The following ANOS1 variants were observed in gnomAD, a reference collection of about 807,000 sequenced individuals.
The protein encoded by ANOS1 is anosmin 1.
ANOS1 carries 6 observed loss-of-function variants against 59.0 expected under a neutral mutation model. The ratio of observed to expected loss-of-function variants is 0.10; its 90% CI spans 0.06 to 0.20. The LOEUF (loss-of-function observed/expected upper bound fraction) is 0.20, where lower values mean the gene tolerates loss of function less well. Ranked by LOEUF, ANOS1 falls within the 10% of genes least tolerant of loss-of-function variation. The pLI is 1.00. For synonymous variants in ANOS1, 217 were observed against 223.4 expected, an observed-to-expected ratio of 0.97 and a Z score of 0.25; for missense variants, 433 against 542.3, an observed-to-expected ratio of 0.80 and a Z score of 2.00.
At chrX:8,639,070 A>G (rs1023751858) in intron 2 of ANOS1, among the ~76,000 whole-genome samples, 2 of 111,918 alleles carry the variant, frequency 1.8e-5, no homozygotes, top group East Asian at 2.8e-4. Context: ...ACAGCACTCG[A>G]AGGTCTGCTT....
At chrX:8,675,872 C>T (rs1423180963) in intron 2 of ANOS1, among the ~76,000 whole-genome samples, 18 of 90,884 alleles carry the variant, frequency 2.0e-4, no homozygotes, top group African/African-American at 6.5e-4. Flanking sequence ...CCCCACCCCC[C>T]GACAGGCCCC....
chrX:8,576,344 A>G (rs59332622), intron 6 of ANOS1, among the ~76,000 whole-genome samples: 2,233 of 110,860 alleles, frequency 0.02, 55 homozygotes, highest in African/African-American at 0.071. Flanking sequence ...TACGTTATGA[A>G]GCAAGGTGTA....
chrX:8,591,320 T>C (rs1238658776), intron 4 of ANOS1, among the ~76,000 whole-genome samples: 1 of 111,364 alleles, frequency 9.0e-6, no homozygotes, highest in Non-Finnish European at 1.9e-5. Context: ...CCTTGGTGCA[T>C]AGTAAAAAAA....
intron 9 of ANOS1, among the ~76,000 whole-genome samples, chrX:8,548,125 T>C (rs1210664569): frequency 2.7e-5 from 3 of 112,754 alleles, no homozygotes; most frequent in Admixed American, 9.4e-5. Context: ...ATGTTTACTA[T>C]ATATCTAAAG....
chrX:8,667,037 C>A (rs1018044057), intron 2 of ANOS1, among the ~76,000 whole-genome samples: 1 of 111,520 alleles, frequency 9.0e-6, no homozygotes, highest in African/African-American at 3.3e-5. Context: ...CCAGCCATTA[C>A]CCATGGCTTG....
intron 2 of ANOS1, among the ~76,000 whole-genome samples, chrX:8,663,439 G>A (rs1485453683): frequency 2.7e-5 from 3 of 111,321 alleles, no homozygotes; most frequent in African/African-American, 9.8e-5. Context: ...TATTGAAACT[G>A]TGCCCCGAGG....
intron 1 of ANOS1, among the ~76,000 whole-genome samples, chrX:8,705,254 T>C (rs1475630992): frequency 8.9e-6 from 1 of 111,903 alleles, no homozygotes; most frequent in Non-Finnish European, 1.9e-5. Flanking sequence ...TTGCAAAAAT[T>C]CTCAAGCCCC....
chrX:8,533,933 C>T (rs1393320428), intron 13 of ANOS1, among the ~76,000 whole-genome samples: 5 of 98,540 alleles, frequency 5.1e-5, no homozygotes, highest in African/African-American at 1.9e-4. Flanking sequence ...GCATGCATTA[C>T]ATAGGGGAAA....
intron 3 of ANOS1, among the ~76,000 whole-genome samples, chrX:8,599,401 C>T (rs748450695): frequency 9.0e-6 from 1 of 111,611 alleles, no homozygotes; most frequent in East Asian, 2.9e-4. Flanking sequence ...CTTGATGCTC[C>T]ACAGTGATCC....
intron 2 of ANOS1, among the ~76,000 whole-genome samples, chrX:8,633,107 G>A (rs1321245758): frequency 9.0e-6 from 1 of 111,576 alleles, no homozygotes; most frequent in Non-Finnish European, 1.9e-5. Context: ...ACAGCCCTCT[G>A]AAGTGCAGTT....
intron 6 of ANOS1, among the ~76,000 whole-genome samples, chrX:8,575,115 T>C (rs1261758772): frequency 8.9e-6 from 1 of 112,126 alleles, no homozygotes; most frequent in Non-Finnish European, 1.9e-5. Context: ...AGTTTCAGGT[T>C]CAAACTCTGT....
At chrX:8,667,692 T>C (rs1181805124) in intron 2 of ANOS1, among the ~76,000 whole-genome samples, 9 of 110,742 alleles carry the variant, frequency 8.1e-5, no homozygotes, top group Non-Finnish European at 1.7e-4. Flanking sequence ...TCATCAGCCG[T>C]ATGGGGGTTG....
At chrX:8,598,597 T>C (rs750474927) in intron 3 of ANOS1, among the ~76,000 whole-genome samples, 1 of 111,033 alleles carries the variant, frequency 9.0e-6, no homozygotes, top group East Asian at 2.8e-4. Flanking sequence ...CCCAGCCCTA[T>C]CCCTAACCCT....
At chrX:8,721,516 C>T (rs573613757) in intron 1 of ANOS1, among the ~76,000 whole-genome samples, 2 of 112,100 alleles carry the variant, frequency 1.8e-5, no homozygotes, top group African/African-American at 6.5e-5. Context: ...ATGCTAAATG[C>T]CTTCTGTCCT....
intron 2 of ANOS1, among the ~76,000 whole-genome samples, chrX:8,653,265 A>G (rs1602005435): frequency 9.0e-6 from 1 of 111,266 alleles, no homozygotes; most frequent in East Asian, 2.8e-4. Context: ...TCACCTCTTC[A>G]TTGCAGTTGC....
At chrX:8,691,473 T>C (rs1229737816) in intron 2 of ANOS1, among the ~76,000 whole-genome samples, 4 of 111,222 alleles carry the variant, frequency 3.6e-5, no homozygotes, top group Admixed American at 1.9e-4. Context: ...AAATAGACAA[T>C]AGACAGATAA....
At position 8,731,972 on chromosome X, in the gene ANOS1, C is replaced by T; in HGVS notation, c.65G>A (p.Cys22Tyr). Residue 22 changes from cysteine (C) to tyrosine (Y), a missense_variant, in exon 1 of 14, where the codon TGC becomes TAC. By Grantham distance (194) the Cys-to-Tyr change is radical. Coordinates refer to ENST00000262648, the MANE Select transcript of ANOS1 (RefSeq NM_000216.4). Reference protein sequence around the residue: ...LCLWLAASSGCLAAGPGAAAA... With the variant: ...LCLWLAASSGYLAAGPGAAAA... ...AGCCGCGCCGGGGCCGGCCGCCAGG[C>T]AGCCGCTGGAGGCCGCCAGCCAGAG... 9.0e-7 allele frequency: 1 copy of T among 1,106,060 alleles called. No individual in the cohort carries two copies. Among genetic ancestry groups the T allele is most frequent in the Admixed American group, 3.4e-5 (1 of 29,318 alleles). The allele number at this position is 1,106,060 out of a possible 1,213,427, so 91.2% of individuals were successfully genotyped here. A position where few individuals can be genotyped will look rare whatever the true frequency, so the allele number is the denominator to read the frequency against.
At chrX:8,603,116 G>A (rs1930876369) in intron 3 of ANOS1, among the ~76,000 whole-genome samples, 1 of 111,762 alleles carries the variant, frequency 8.9e-6, no homozygotes, top group African/African-American at 3.3e-5. Context: ...CATTAATTTT[G>A]TTTATTTTGC....
intron 1 of ANOS1, 127 bp from the exon 2 acceptor site, chrX:8,699,872 C>A: frequency 2.3e-6 from 1 of 437,030 alleles, no homozygotes; most frequent in Non-Finnish European, 3.9e-6. Context: ...CCCAATCTTG[C>A]AAAACCTGCT....
Sources: allele counts gnomAD v4.1 joint callset (sites outside exome capture counted in the v4.1 genomes callset), GRCh38; gene constraint gnomAD v4.1.1; transcripts MANE v1.5; gene names NCBI Gene and HGNC (gene_info 2026-07-23, HGNC 2026-07-21).